Variants in CCSER1 observed in about 807,000 individuals in gnomAD.
CCSER1 encodes serine-rich coiled-coil domain-containing protein 1.
A neutral mutation model predicts 82.0 loss-of-function variants in CCSER1; 41 were observed. The ratio of observed to expected loss-of-function variants is 0.50; its 90% CI spans 0.39 to 0.65. The LOEUF (loss-of-function observed/expected upper bound fraction) is 0.65, where lower values mean the gene tolerates loss of function less well. Ranked by LOEUF, CCSER1 falls within the 30% of genes least tolerant of loss-of-function variation. The pLI, the probability that CCSER1 is intolerant of heterozygous loss-of-function variation, is 0.00. For synonymous variants in CCSER1, 414 were observed against 383.9 expected (o/e 1.08, Z -0.92); for missense variants, 1,119 against 1,064.2 (o/e 1.05, Z -0.72).
intron 3 of CCSER1, among the ~76,000 whole-genome samples, chr4:90,335,864 C>T (rs531892874): frequency 2.0e-3 from 303 of 152,280 alleles, no homozygotes; most frequent in African/African-American, 5.7e-3. Flanking sequence ...GTGGTCCTCC[C>T]GCCTTGTCTT....
chr4:90,523,514 T>G (rs1248638762), intron 5 of CCSER1, among the ~76,000 whole-genome samples: 1 of 152,170 alleles, frequency 6.6e-6, no homozygotes, highest in Admixed American at 6.5e-5. Flanking sequence ...CTGTACTACA[T>G]AAGCACAAAT....
intron 9 of CCSER1, among the ~76,000 whole-genome samples, chr4:90,967,569 G>T (rs1734691341): frequency 6.6e-6 from 1 of 151,942 alleles, no homozygotes; most frequent in Non-Finnish European, 1.5e-5. Flanking sequence ...CTGGATTATA[G>T]ACCTAAATGT....
At chr4:90,155,792 T>C (rs1188179621) in intron 1 of CCSER1, among the ~76,000 whole-genome samples, 108 of 152,086 alleles carry the variant, frequency 7.1e-4, no homozygotes, top group African/African-American at 2.5e-3. Context: ...GCTAGCGGTC[T>C]ATCAATTTTG....
intron 3 of CCSER1, among the ~76,000 whole-genome samples, chr4:90,333,941 TGAGTCA>T (rs893515086): frequency 3.3e-5 from 5 of 151,778 alleles, no homozygotes; most frequent in Admixed American, 6.6e-5. Context: ...TTAACTTCAC[TGAGTCA>T]GAGCTCTTAC....
At chr4:90,846,196 ATTGT>A (rs1405091414) in intron 8 of CCSER1, among the ~76,000 whole-genome samples, 4 of 152,160 alleles carry the variant, frequency 2.6e-5, no homozygotes, top group African/African-American at 4.8e-5. Context: ...CTTTAAGGTG[ATTGT>A]TTGCTCACTA....
At chr4:91,382,803 C>T (rs969737942) in intron 10 of CCSER1, among the ~76,000 whole-genome samples, 1 of 152,126 alleles carries the variant, frequency 6.6e-6, no homozygotes, top group Non-Finnish European at 1.5e-5. Context: ...GTCGCTCATG[C>T]TGGGAGCTGT....
rs539145014 is a variant in CCSER1, at chr4:91,588,095, A to AT, written c.2218-10469dup. Among the ~76,000 whole-genome samples, 8 of 151,176 alleles carry AT rather than the reference A, an allele frequency of 5.3e-5. No homozygotes were observed. In the East Asian group the frequency reaches 1.2e-3, roughly 22 times the overall value. The stretch of plus-strand genomic sequence containing the variant: ...TCTCATTATATTTTGTGCTTTGTTG[A>AT]TTTTTTTTCTATTTAAAAATCAATT... On this transcript the variant is annotated intron_variant, in intron 10 of 10. Transcript: ENST00000509176.
chr4:90,429,950 A>G (rs1400448004), intron 4 of CCSER1, among the ~76,000 whole-genome samples: 2 of 151,860 alleles, frequency 1.3e-5, no homozygotes, highest in African/African-American at 4.8e-5. Flanking sequence ...AGCAGACACT[A>G]TGTGTTGAGG....
intron 8 of CCSER1, among the ~76,000 whole-genome samples, chr4:90,886,043 C>T (rs1409994946): frequency 6.6e-6 from 1 of 152,110 alleles, no homozygotes; most frequent in Non-Finnish European, 1.5e-5. Context: ...CTCCAGTGAC[C>T]TCCACTCCCT....
rs530584360 is a variant in CCSER1 at position 90,326,145 on chromosome 4, G to A, written c.1509+13098G>A. On this transcript the variant is annotated intron_variant, in intron 3 of 10. Transcript: ENST00000509176. ...GCAATCTCGGCTCACTGCAAGCTCC[G>A]CCTCCCAGGTTCAGGCCATTCTCCT... Among the ~76,000 whole-genome samples the A allele has an allele frequency of 4.7e-3, 644 of 136,808 alleles. 1 individual carries two copies. The highest frequency in any genetic ancestry group is 6.3e-3 in the Non-Finnish European group (414 of 65,746). 89.8% of individuals were successfully genotyped at this position (136,808 alleles called of 152,430 possible).
chr4:91,442,888 G>T (rs941766896), intron 10 of CCSER1, among the ~76,000 whole-genome samples: 33 of 152,194 alleles, frequency 2.2e-4, no homozygotes, highest in Admixed American at 6.5e-4. Flanking sequence ...ACCATCACTG[G>T]CCGTCAGAGA....
intron 9 of CCSER1, among the ~76,000 whole-genome samples, chr4:90,936,816 T>C (rs902835874): frequency 1.3e-5 from 2 of 152,166 alleles, no homozygotes; most frequent in African/African-American, 4.8e-5. Flanking sequence ...TTCTTAATGT[T>C]TAATTCTTAG....
intron 7 of CCSER1, among the ~76,000 whole-genome samples, chr4:90,773,910 A>G (rs1357345168): frequency 6.6e-6 from 1 of 152,178 alleles, no homozygotes; most frequent in Admixed American, 6.6e-5. Flanking sequence ...AAACTTCAGC[A>G]TGCTGTCAAT....
chr4:90,938,220 A>C (rs1731190879), intron 9 of CCSER1, among the ~76,000 whole-genome samples: 1 of 152,074 alleles, frequency 6.6e-6, no homozygotes, highest in African/African-American at 2.4e-5. Context: ...ATTCTGTTGA[A>C]ACTTTGTGTT....
At chr4:90,216,378 A>G (rs1159453470) in intron 1 of CCSER1, among the ~76,000 whole-genome samples, 2 of 152,306 alleles carry the variant, frequency 1.3e-5, no homozygotes, top group South Asian at 2.1e-4. Context: ...CTACAGCTGG[A>G]GTTCATAAGC....
chr4:90,484,010 C>A (rs1485708444), intron 5 of CCSER1, among the ~76,000 whole-genome samples: 1 of 152,180 alleles, frequency 6.6e-6, no homozygotes, highest in Non-Finnish European at 1.5e-5. Flanking sequence ...TCAGGTACAC[C>A]AATTAGACGT....
At chr4:90,721,449 A>G (rs1742666972) in intron 6 of CCSER1, among the ~76,000 whole-genome samples, 1 of 151,880 alleles carries the variant, frequency 6.6e-6, no homozygotes, top group Non-Finnish European at 1.5e-5. Flanking sequence ...CTATGTTCCC[A>G]TAGGATTCAC....
intron 10 of CCSER1, among the ~76,000 whole-genome samples, chr4:91,443,719 A>G (rs12508811): frequency 0.59 from 86,832 of 147,494 alleles, 27,180 homozygotes; most frequent in East Asian, 0.87. Flanking sequence ...TTAAGTATAG[A>G]GAAAACTATA....
chr4:90,603,199 G>A (rs1318629193), intron 5 of CCSER1, among the ~76,000 whole-genome samples: 2 of 152,236 alleles, frequency 1.3e-5, no homozygotes, highest in Non-Finnish European at 2.9e-5. Context: ...AGTGGCTGGA[G>A]GAGTAGGGCT....
Sources: gnomAD v4.1 joint callset for allele counts (sites outside exome capture counted in the v4.1 genomes callset) on GRCh38, gnomAD v4.1.1 for gene constraint, MANE v1.5 for transcripts, NCBI Gene and HGNC (gene_info 2026-07-23, HGNC 2026-07-21) for gene names.